HDAC9: variants seen among roughly 807,000 people sequenced by gnomAD.
The protein encoded by HDAC9 is histone deacetylase 9, also known as MEF-2 interacting transcription repressor (MITR) protein.
Under a neutral mutation model 139.4 loss-of-function variants are expected in HDAC9, and 41 were observed. That is an observed-to-expected ratio of 0.29 (90% CI 0.23 to 0.38). The LOEUF (loss-of-function observed/expected upper bound fraction) is 0.38. HDAC9 is among the 10% of genes least tolerant of loss of function. The pLI, the probability that HDAC9 is intolerant of heterozygous loss-of-function variation, is 1.00. For synonymous variants in HDAC9, 517 were observed against 476.2 expected, an observed-to-expected ratio of 1.09 and a Z score of -1.12; for missense variants, 1,147 against 1,297.0, an observed-to-expected ratio of 0.88 and a Z score of 1.78.
chr7:18,155,073 T>TTTC (rs1787079172), intron 1 of HDAC9, among the ~76,000 whole-genome samples: 1 of 148,872 alleles, frequency 6.7e-6, no homozygotes, highest in Non-Finnish European at 1.5e-5. Context: ...ACAAAGCTTT[T>TTTC]TTTCTTTCTT....
chr7:18,633,114 A>AT (rs1433947990), intron 7 of HDAC9, among the ~76,000 whole-genome samples: 2 of 152,084 alleles, frequency 1.3e-5, no homozygotes, highest in Non-Finnish European at 2.9e-5. Context: ...ATACTGAGTG[A>AT]TTTTGACAAG....
intron 2 of HDAC9, among the ~76,000 whole-genome samples, chr7:18,550,984 C>A (rs1235510444): frequency 2.6e-5 from 4 of 152,148 alleles, no homozygotes; most frequent in South Asian, 4.1e-4. Context: ...ATACTCTTAG[C>A]TGTGAAGGTA....
chr7:18,458,729 A>C (rs1793572287), intron 1 of HDAC9: 4 of 650,574 alleles, frequency 6.1e-6, no homozygotes, highest in South Asian at 5.7e-5. Context: ...TAAGCTGTAG[A>C]CCTCTACTCA....
rs561005867 is a variant in HDAC9, at chr7:18,191,433, T to C, written c.25+29084T>C. ...CACTCTGTATCATAATTTAATCATG[T>C]TTCTTTACACGGTTTCTCAATTCCT... On this transcript the variant is annotated intron_variant, in intron 2 of 12. Transcript: ENST00000417496. 7.2e-5 allele frequency among the ~76,000 whole-genome samples: 11 copies of C among 152,342 alleles called. No individual in the cohort carries two copies. In the East Asian group the frequency reaches 2.1e-3, roughly 29 times the overall value.
chr7:18,767,879 A>T (rs1409085150), intron 16 of HDAC9, among the ~76,000 whole-genome samples: 1 of 152,198 alleles, frequency 6.6e-6, no homozygotes, highest in Non-Finnish European at 1.5e-5. Flanking sequence ...TCAAAGACTA[A>T]GGTATTTAAG....
chr7:18,732,574 CATGT>C (rs1786186592), intron 13 of HDAC9, among the ~76,000 whole-genome samples: 1 of 98,182 alleles, frequency 1.0e-5, no homozygotes, highest in East Asian at 3.9e-4. Flanking sequence ...TATATATGTG[CATGT>C]GTATATACAC....
At chr7:18,784,972 TG>T (rs869220331) in intron 16 of HDAC9, among the ~76,000 whole-genome samples, 3,587 of 20,616 alleles carry the variant, frequency 0.17, 158 homozygotes, top group African/African-American at 0.28. Context: ...TGTGTGTGTG[TG>T]TCTGTGTGTG....
At chr7:18,259,890 C>T (rs1795534094) in intron 2 of HDAC9, among the ~76,000 whole-genome samples, 1 of 152,186 alleles carries the variant, frequency 6.6e-6, no homozygotes, top group Non-Finnish European at 1.5e-5. Context: ...TACCAGTCGT[C>T]ATGACAATAT....
intron 2 of HDAC9, among the ~76,000 whole-genome samples, chr7:18,562,688 G>A (rs1004206450): frequency 5.3e-5 from 8 of 152,000 alleles, no homozygotes; most frequent in Admixed American, 6.6e-5. Flanking sequence ...GAAAGTGTGA[G>A]TCCTCTATAT....
intron 23 of HDAC9, among the ~76,000 whole-genome samples, chr7:18,950,519 T>G (rs1377649220): frequency 6.6e-6 from 1 of 152,092 alleles, no homozygotes; most frequent in Non-Finnish European, 1.5e-5. Context: ...TTCATGTTAT[T>G]TTTTCGATTA....
chr7:18,266,254 CA>C (rs1795991141), intron 2 of HDAC9, among the ~76,000 whole-genome samples: 1 of 152,102 alleles, frequency 6.6e-6, no homozygotes, highest in Admixed American at 6.6e-5. Context: ...CGCACAATTT[CA>C]AAAATTTAAA....
intron 2 of HDAC9, among the ~76,000 whole-genome samples, chr7:18,182,727 A>G (rs1303858318): frequency 6.6e-6 from 1 of 152,190 alleles, no homozygotes; most frequent in Non-Finnish European, 1.5e-5. Flanking sequence ...TCTTGGATCC[A>G]GGTACCTTAA....
At chr7:18,099,383 G>T (rs954337807) in intron 1 of HDAC9, among the ~76,000 whole-genome samples, 4 of 151,972 alleles carry the variant, frequency 2.6e-5, no homozygotes, top group Non-Finnish European at 5.9e-5. Flanking sequence ...CAGGAGAATC[G>T]TTTGGACCCT....
At chr7:18,817,659 G>A (rs913080823) in intron 17 of HDAC9, among the ~76,000 whole-genome samples, 3 of 152,044 alleles carry the variant, frequency 2.0e-5, no homozygotes, top group African/African-American at 7.2e-5. Flanking sequence ...TTATGCTTTT[G>A]TTCTGTCATC....
chr7:18,736,863 T>C (rs1290232276), intron 13 of HDAC9, among the ~76,000 whole-genome samples: 2 of 152,210 alleles, frequency 1.3e-5, no homozygotes, highest in East Asian at 3.9e-4. Flanking sequence ...CCATCTGGTA[T>C]TGGACTTTTT....
chr7:18,489,496 T>G (rs1796209618), intron 1 of HDAC9, among the ~76,000 whole-genome samples: 1 of 152,046 alleles, frequency 6.6e-6, no homozygotes, highest in African/African-American at 2.4e-5. Flanking sequence ...TTTATTATTT[T>G]GAATCCATGC....
chr7:18,290,582 T>C, intron 1 of HDAC9: 1 of 455,872 alleles, frequency 2.2e-6, no homozygotes, highest in South Asian at 1.6e-5. Flanking sequence ...TGTTTTTAAG[T>C]CTGACTCTGC....
At chr7:18,902,083 T>A (rs751288919) in intron 22 of HDAC9, among the ~76,000 whole-genome samples, 21 of 152,208 alleles carry the variant, frequency 1.4e-4, no homozygotes, top group Non-Finnish European at 2.8e-4. Context: ...CAGGCAACTG[T>A]TGCTGGAGGC....
At chr7:18,299,152 C>T (rs1798356086) in intron 1 of HDAC9, among the ~76,000 whole-genome samples, 1 of 150,674 alleles carries the variant, frequency 6.6e-6, no homozygotes, top group African/African-American at 2.4e-5. Flanking sequence ...AATGTTTATG[C>T]AAGAGTAAGA....
Sources: allele counts gnomAD v4.1 joint callset (sites outside exome capture counted in the v4.1 genomes callset), GRCh38; gene constraint gnomAD v4.1.1; transcripts MANE v1.5; gene names NCBI Gene and HGNC (gene_info 2026-07-23, HGNC 2026-07-21).